The following KCND2 variants were observed in gnomAD, a reference collection of about 807,000 sequenced individuals.
KCND2 encodes A-type voltage-gated potassium channel KCND2.
In KCND2, 16 loss-of-function variants were observed where a neutral mutation model predicts 54.4. That is an observed-to-expected ratio of 0.29 (90% CI 0.20 to 0.45). The LOEUF is 0.45. Ranked by LOEUF, KCND2 falls within the 20% of genes least tolerant of loss-of-function variation. The pLI is 1.00. For missense variants in KCND2, 486 were observed against 824.2 expected (o/e 0.59, Z 5.02); for synonymous variants, 317 against 310.7 (o/e 1.02, Z -0.21).
rs1301500076 is a variant in KCND2 at position 120,274,292 on chromosome 7, C to A, written c.-341C>A. 5 of 440,482 alleles carry A rather than the reference C, an allele frequency of 1.1e-5. No homozygotes were observed. The highest frequency in any genetic ancestry group is 1.2e-5 in the Non-Finnish European group (3 of 241,260). The allele number at this position is 440,482 out of a possible 1,614,324, so 27.3% of individuals were successfully genotyped here. A position where few individuals can be genotyped will look rare whatever the true frequency, so the allele number is the denominator to read the frequency against. On this transcript the variant is annotated 5_prime_UTR_variant, in exon 1 of 6. Transcript: ENST00000331113. ...TATCCAGACTGTGCCGGGGAGAAAT[C>A]AAAAACACCTGTTTGAAGAAACGGC... is the stretch of plus-strand genomic sequence containing the variant.
At chr7:120,480,219 A>G (rs867202577) in intron 1 of KCND2, among the ~76,000 whole-genome samples, 2 of 152,110 alleles carry the variant, frequency 1.3e-5, no homozygotes, top group Non-Finnish European at 2.9e-5. Flanking sequence ...ATAATTCTCA[A>G]TATGAATTTT....
At chr7:120,677,542 G>GATATAGATATAGAT (rs1554384968) in intron 1 of KCND2, among the ~76,000 whole-genome samples, 8 of 139,710 alleles carry the variant, frequency 5.7e-5, no homozygotes, top group African/African-American at 2.3e-4. Flanking sequence ...TATAGATATA[G>GATATAGATATAGAT]ATATAGATAT....
intron 1 of KCND2, among the ~76,000 whole-genome samples, chr7:120,284,278 C>A (rs1799306769): frequency 1.3e-5 from 2 of 152,026 alleles, no homozygotes. Flanking sequence ...GGGGCTAACA[C>A]ACACACACAT....
At chr7:120,615,738 C>T (rs1485524224) in intron 1 of KCND2, among the ~76,000 whole-genome samples, 1 of 152,154 alleles carries the variant, frequency 6.6e-6, no homozygotes, top group Non-Finnish European at 1.5e-5. Context: ...ATTGAATTCT[C>T]CATAAATCTC....
intron 1 of KCND2, among the ~76,000 whole-genome samples, chr7:120,542,481 A>T (rs1039106793): frequency 6.6e-6 from 1 of 152,124 alleles, no homozygotes; most frequent in Admixed American, 6.6e-5. Flanking sequence ...TAAAATAATA[A>T]AATTACCCTT....
intron 1 of KCND2, among the ~76,000 whole-genome samples, chr7:120,453,787 A>T (rs1458968738): frequency 6.6e-6 from 1 of 152,196 alleles, no homozygotes; most frequent in African/African-American, 2.4e-5. Flanking sequence ...AAACACTCAT[A>T]TCAAAAAGTT....
At chr7:120,374,718 G>A (rs1800813225) in intron 1 of KCND2, among the ~76,000 whole-genome samples, 1 of 151,738 alleles carries the variant, frequency 6.6e-6, no homozygotes, top group South Asian at 2.1e-4. Flanking sequence ...AGCCTGTAGG[G>A]CATATTCTAA....
intron 1 of KCND2, among the ~76,000 whole-genome samples, chr7:120,511,934 C>T (rs998128691): frequency 3.9e-5 from 6 of 152,118 alleles, no homozygotes; most frequent in African/African-American, 1.4e-4. Context: ...AAAACTGGCA[C>T]AAATGGAATT....
At position 120,704,289 on chromosome 7, in the gene KCND2, A is replaced by C. The variant is rs183948860; in HGVS notation, c.1116-28614A>C. Among the ~76,000 whole-genome samples the C allele has an allele frequency of 3.3e-5, 5 of 152,276 alleles. No individual in the cohort carries two copies. The East Asian group carries it at 7.7e-4, about 24-fold the overall frequency. On this transcript the variant is annotated intron_variant, in intron 1 of 5. Transcript: ENST00000331113. Reference sequence around the variant, plus strand: ...CATTTCTAAAATATCAGAATTTCATAATATTCTGGTTTATTTTTGGATGAT... The same window carrying C: ...CATTTCTAAAATATCAGAATTTCATCATATTCTGGTTTATTTTTGGATGAT...
intron 1 of KCND2, among the ~76,000 whole-genome samples, chr7:120,403,417 A>G (rs1801296224): frequency 6.6e-6 from 1 of 151,892 alleles, no homozygotes; most frequent in Admixed American, 6.6e-5. Context: ...CCCGTGTTCA[A>G]GCAATTCTCC....
In KCND2 at chr7:120,403,460, C is replaced by T. The variant is rs150278609; in HGVS notation, c.1115+127713C>T. 2.2e-3 allele frequency among the ~76,000 whole-genome samples: 330 copies of T among 150,610 alleles called. 1 individual carries two copies. The highest frequency in any genetic ancestry group is 7.3e-3 in the African/African-American group (301 of 41,104). Reference sequence around the variant, plus strand: ...GCCTCCTGGTAGCTGGAATTACAGGCGATGGCTACCAGGCCCGGCTAATTT... The same window carrying T: ...GCCTCCTGGTAGCTGGAATTACAGGTGATGGCTACCAGGCCCGGCTAATTT... On this transcript the variant is annotated intron_variant, in intron 1 of 5. Transcript: ENST00000331113.
chr7:120,629,889 T>C (rs957877404), intron 1 of KCND2, among the ~76,000 whole-genome samples: 1 of 152,122 alleles, frequency 6.6e-6, no homozygotes, highest in Admixed American at 6.5e-5. Flanking sequence ...AGGGTCTGGT[T>C]TTGAATATAT....
chr7:120,517,725 T>C (rs996406818), intron 1 of KCND2, among the ~76,000 whole-genome samples: 2 of 152,170 alleles, frequency 1.3e-5, no homozygotes, highest in Non-Finnish European at 2.9e-5. Flanking sequence ...CCATTTGTTT[T>C]CATCTATCTT....
chr7:120,355,198 A>G (rs538738157), intron 1 of KCND2, among the ~76,000 whole-genome samples: 2 of 152,308 alleles, frequency 1.3e-5, no homozygotes, highest in East Asian at 3.9e-4. Context: ...ATCTACTGGC[A>G]TTGTAATTAC....
rs930075416 is a variant in KCND2, at chr7:120,402,240, A to C, written c.1115+126493A>C. Among the ~76,000 whole-genome samples, 5 of 152,176 alleles carry C rather than the reference A, an allele frequency of 3.3e-5. No homozygotes were observed. In the East Asian group the frequency reaches 7.7e-4, roughly 23 times the overall value. On this transcript the variant is annotated intron_variant, in intron 1 of 5. Transcript: ENST00000331113. ...CTACTGTAAATAATAGCCATCAGCA[A>C]AGCTTTTGAAATCTTCAGATGAAAG...
chr7:120,713,679 C>T (rs1005103513), intron 1 of KCND2, among the ~76,000 whole-genome samples: 1 of 152,144 alleles, frequency 6.6e-6, no homozygotes, highest in Non-Finnish European at 1.5e-5. Context: ...TCAAATGATC[C>T]TGTTATCTTT....
At chr7:120,471,304 A>C (rs1018247732) in intron 1 of KCND2, among the ~76,000 whole-genome samples, 1 of 152,116 alleles carries the variant, frequency 6.6e-6, no homozygotes. Flanking sequence ...ATGTGATATT[A>C]ATCCTCAAAA....
rs187327040 is a variant in KCND2, at chr7:120,344,125, G to A, written c.1115+68378G>A. On this transcript the variant is annotated intron_variant, in intron 1 of 5. Transcript: ENST00000331113. ...TCCTATTGTCATAGTTATAGCAACCGAAGTGTGTATATTGTACATAGAAAG... is the reference window on the plus strand; with the variant it reads ...TCCTATTGTCATAGTTATAGCAACCAAAGTGTGTATATTGTACATAGAAAG... Among the ~76,000 whole-genome samples the A allele has an allele frequency of 2.4e-3, 359 of 152,182 alleles. 3 individuals are homozygous for A. Among genetic ancestry groups the A allele is most frequent in the Non-Finnish European group, 2.1e-3 (145 of 67,998 alleles).
intron 1 of KCND2, among the ~76,000 whole-genome samples, chr7:120,623,826 G>A (rs1009868649): frequency 5.3e-5 from 8 of 152,180 alleles, no homozygotes; most frequent in Non-Finnish European, 1.2e-4. Flanking sequence ...GTGAATGGCT[G>A]AAGTGGAGGG....
Sources: gnomAD v4.1 joint callset for allele counts (sites outside exome capture counted in the v4.1 genomes callset) on GRCh38, gnomAD v4.1.1 for gene constraint, MANE v1.5 for transcripts, NCBI Gene and HGNC (gene_info 2026-07-23, HGNC 2026-07-21) for gene names.